The following DCDC1 variants were observed in gnomAD, a reference collection of about 807,000 sequenced individuals.
DCDC1 encodes the protein doublecortin domain containing 1, also known as doublecortin domain-containing protein 1.
A neutral mutation model predicts 178.3 loss-of-function variants in DCDC1; 200 were observed. That is an observed-to-expected ratio of 1.12 (90% CI 1.00 to 1.26). The LOEUF (loss-of-function observed/expected upper bound fraction) is 1.26. Ranked by LOEUF, DCDC1 falls within the 50% of genes most tolerant of loss-of-function variation. The pLI, the probability that DCDC1 is intolerant of heterozygous loss-of-function variation, is 0.00. For missense variants in DCDC1, 1,983 were observed against 1,749.2 expected, an observed-to-expected ratio of 1.13 and a Z score of -2.38; for synonymous variants, 690 against 604.8, an observed-to-expected ratio of 1.14 and a Z score of -2.07.
chr11:31,200,171 G>T (rs1314325777), intron 9 of DCDC1, among the ~76,000 whole-genome samples: 1 of 151,898 alleles, frequency 6.6e-6, no homozygotes, highest in Admixed American at 6.6e-5. Context: ...CTGATCAAAA[G>T]GGGAATTTTA....
intron 15 of DCDC1, among the ~76,000 whole-genome samples, chr11:31,096,617 T>G (rs1958168287): frequency 6.6e-6 from 1 of 151,974 alleles, no homozygotes; most frequent in Non-Finnish European, 1.5e-5. Flanking sequence ...CTTCAAGAGA[T>G]ATTTTGCTGG....
chr11:31,127,777 A>G (rs753038058), intron 10 of DCDC1, 138 bp from the exon 11 acceptor site: 3 of 562,654 alleles, frequency 5.3e-6, no homozygotes, highest in Non-Finnish European at 9.4e-6. Flanking sequence ...TCCTCAAGTA[A>G]AAACAATGAA....
At chr11:31,072,212 T>G (rs1206693943) in intron 18 of DCDC1, among the ~76,000 whole-genome samples, 1 of 152,162 alleles carries the variant, frequency 6.6e-6, no homozygotes, top group Non-Finnish European at 1.5e-5. Context: ...GCTGAAATTT[T>G]TATTTAGTTT....
At chr11:31,027,341 G>T (rs1374814567) in intron 20 of DCDC1, among the ~76,000 whole-genome samples, 1 of 151,722 alleles carries the variant, frequency 6.6e-6, no homozygotes, top group Non-Finnish European at 1.5e-5. Flanking sequence ...AGTCTCCACT[G>T]TGTGTTAAAG....
At position 30,903,588 on chromosome 11, in the gene DCDC1, C is replaced by T. The variant is rs760454492; in HGVS notation, c.4404G>A (p.Leu1468=). ...AGGATTCATCTAGAGCCCATAAAAC[C>T]AAATCACGCAAGGTAAAGATTGGGG... The part of the protein sequence containing the change: ...DGTPIFTLRD[L]VLWALDESFL... The change falls in exon 32 of 39, where the codon TTG becomes TTA. Residue 1468 remains leucine (L), a synonymous_variant. Coordinates refer to ENST00000684477, the MANE Select transcript of DCDC1 (RefSeq NM_001387274.1). The T allele has an allele frequency of 3.7e-6, 6 of 1,610,050 alleles. No individual in the cohort carries two copies. In the South Asian group the frequency reaches 4.4e-5, roughly 12 times the overall value.
intron 9 of DCDC1, among the ~76,000 whole-genome samples, chr11:31,195,741 A>T (rs1230332385): frequency 6.6e-6 from 1 of 151,978 alleles, no homozygotes; most frequent in Admixed American, 6.6e-5. Flanking sequence ...TATTAGCTTC[A>T]TAAAAGCTGG....
intron 9 of DCDC1, among the ~76,000 whole-genome samples, chr11:31,226,558 A>G (rs1591475168): frequency 6.6e-6 from 1 of 152,014 alleles, no homozygotes; most frequent in African/African-American, 2.4e-5. Context: ...TTACATAAAG[A>G]TGTACTAAGG....
intron 9 of DCDC1, among the ~76,000 whole-genome samples, chr11:31,238,223 C>G (rs924147555): frequency 6.6e-6 from 1 of 152,040 alleles, no homozygotes; most frequent in African/African-American, 2.4e-5. Flanking sequence ...GTACTTAACA[C>G]TGCCCATCAG....
intron 38 of DCDC1, among the ~76,000 whole-genome samples, chr11:30,869,119 A>AAGTG (rs2133909253): frequency 6.6e-6 from 1 of 152,312 alleles, no homozygotes; most frequent in African/African-American, 2.4e-5. Flanking sequence ...GATGGAAGAA[A>AAGTG]AGTGTTTTCC....
Position 31,307,835 on chromosome 11 carries a change from TG to T in DCDC1, c.237del (p.Asn80ThrfsTer35). ...TDDYLQSQFGPNRLVHSAAVS... is the reference protein window; with the variant it reads ...TDDYLQSQFGXNRLVHSAAVS... ...ACTGCTGCTGAATGCACGAGTCTGT[TG>T]GGGCCAAACTGAGACTGCAAATAAT... On this transcript the variant is annotated frameshift_variant, in exon 4 of 39. Coordinates refer to ENST00000684477, the MANE Select transcript of DCDC1 (RefSeq NM_001387274.1). LOFTEE classifies it high-confidence loss of function. 6.2e-6 allele frequency: 10 copies of T among 1,614,154 alleles called. No homozygotes were observed. Among genetic ancestry groups the T allele is most frequent in the Non-Finnish European group, 8.5e-6 (10 of 1,179,998 alleles).
intron 7 of DCDC1, among the ~76,000 whole-genome samples, chr11:31,287,090 C>A (rs543633640): frequency 1.3e-5 from 2 of 152,116 alleles, no homozygotes; most frequent in South Asian, 4.1e-4. Flanking sequence ...ATGCTCACAA[C>A]TTTTCAACCA....
intron 21 of DCDC1, among the ~76,000 whole-genome samples, chr11:30,937,658 C>T (rs1201208248): frequency 1.3e-5 from 2 of 152,124 alleles, no homozygotes; most frequent in African/African-American, 4.8e-5. Context: ...TTATCTTCCT[C>T]TCTCCTTACA....
At chr11:31,042,688 A>G (rs1001440298) in intron 20 of DCDC1, among the ~76,000 whole-genome samples, 5 of 152,198 alleles carry the variant, frequency 3.3e-5, no homozygotes, top group Non-Finnish European at 7.3e-5. Flanking sequence ...CTACAAAAAT[A>G]TCTTTTGAAT....
In DCDC1 at chr11:30,878,666, C is replaced by T. The variant is rs770366975; in HGVS notation, c.5279G>A (p.Arg1760Gln). Residue 1760 changes from arginine to glutamine, a missense_variant, in exon 38 of 39, where the codon CGA (arginine) becomes CAA (glutamine). By Grantham distance (43) the Arg-to-Gln change is conservative. Coordinates refer to ENST00000684477, the MANE Select transcript of DCDC1 (RefSeq NM_001387274.1). ...MEIRANYARI[R>Q]RQQGPQATDI... ...TGTGGCTTGAGGGCCCTGCTGCCTT[C>T]GGATTCTGGCATAATTTGCTCTGAT... 1.1e-5 allele frequency: 17 copies of T among 1,607,324 alleles called. No individual in the cohort carries two copies. Among genetic ancestry groups the T allele is most frequent in the African/African-American group, 5.4e-5 (4 of 73,628 alleles).
At chr11:31,270,424 C>T (rs1290926147) in intron 7 of DCDC1, among the ~76,000 whole-genome samples, 1 of 152,104 alleles carries the variant, frequency 6.6e-6, no homozygotes, top group Non-Finnish European at 1.5e-5. Context: ...TTTTGTTTGC[C>T]TTTTATGGAA....
At chr11:31,326,879 G>A (rs1053671306) in intron 3 of DCDC1, among the ~76,000 whole-genome samples, 1 of 152,074 alleles carries the variant, frequency 6.6e-6, no homozygotes, top group Admixed American at 6.6e-5. Flanking sequence ...ATAAAGACTA[G>A]GGCATCACAC....
At chr11:30,995,630 A>T (rs1225092985) in intron 20 of DCDC1, among the ~76,000 whole-genome samples, 1 of 152,322 alleles carries the variant, frequency 6.6e-6, no homozygotes, top group South Asian at 2.1e-4. Context: ...GACTTTTGAC[A>T]TAGGTAGAAA....
chr11:31,102,284 T>A lies in DCDC1; in HGVS notation c.1878-2A>T. The A allele has an allele frequency of 1.5e-6, 1 of 682,242 alleles. No individual in the cohort carries two copies. The highest frequency in any genetic ancestry group is 2.7e-6 in the Non-Finnish European group (1 of 367,328). 42.3% of individuals were successfully genotyped at this position (682,242 alleles called of 1,614,324 possible). A position where few individuals can be genotyped will look rare whatever the true frequency, so the allele number is the denominator to read the frequency against. ...GGAAATCCCTCACAAACTTCCCAACTAAGAAAAGTAAAATACGTAATTATT... is the reference window on the plus strand; with the variant it reads ...GGAAATCCCTCACAAACTTCCCAACAAAGAAAAGTAAAATACGTAATTATT... On this transcript the variant is annotated splice_acceptor_variant, in intron 14 of 38. Coordinates refer to ENST00000684477, the MANE Select transcript of DCDC1 (RefSeq NM_001387274.1). LOFTEE classifies it high-confidence loss of function.
At chr11:31,245,966 A>G (rs1344428767) in intron 8 of DCDC1, among the ~76,000 whole-genome samples, 3 of 151,870 alleles carry the variant, frequency 2.0e-5, no homozygotes, top group African/African-American at 7.2e-5. Flanking sequence ...AAATCTCTCT[A>G]AAGAGAAACC....
Sources: allele counts gnomAD v4.1 joint callset (sites outside exome capture counted in the v4.1 genomes callset), GRCh38; gene constraint gnomAD v4.1.1; transcripts MANE v1.5; gene names NCBI Gene and HGNC (gene_info 2026-07-23, HGNC 2026-07-21).